Variants in NPPB observed in about 807,000 individuals in gnomAD.
The protein encoded by NPPB is natriuretic peptides B.
In NPPB, 13 loss-of-function variants were observed where a neutral mutation model predicts 12.7. That is an observed-to-expected ratio of 1.03 (90% CI 0.67 to 1.63). The LOEUF is 1.63. Among genes scored for constraint, NPPB ranks in the 40% most tolerant of loss-of-function variants. The pLI, the probability that NPPB is intolerant of heterozygous loss-of-function variation, is 0.00. For synonymous variants in NPPB, 66 were observed against 74.7 expected, an observed-to-expected ratio of 0.88 and a Z score of 0.60; for missense variants, 184 against 172.9, an observed-to-expected ratio of 1.06 and a Z score of -0.36.
intron 1 of NPPB, 40 bp downstream of exon 1, chr1:11,858,662 T>G: frequency 6.2e-7 from 1 of 1,613,914 alleles, no homozygotes; most frequent in African/African-American, 1.3e-5. Flanking sequence ...ACCCTTTCAT[T>G]GCTGCTGTCC....
intron 2 of NPPB, 121 bp downstream of exon 2, chr1:11,858,093 G>A (rs1241205081): frequency 1.5e-5 from 14 of 950,418 alleles, no homozygotes; most frequent in Non-Finnish European, 1.9e-5. Context: ...AAGAGGAAGC[G>A]ATGTCCAGGT....
In NPPB at chr1:11,858,322, C is replaced by A. The variant is rs35640285; in HGVS notation, c.280G>T (p.Val94Phe). 2.9e-3 allele frequency: 4,664 copies of A among 1,613,860 alleles called. 15 individuals carry two copies. Among genetic ancestry groups the A allele is most frequent in the Middle Eastern group, 3.1e-3 (19 of 6,060 alleles). ...TEGIRGHRKMVLYTLRAPRSP... is the reference protein window; with the variant it reads ...TEGIRGHRKMFLYTLRAPRSP... ...CGTGGTGCCCGCAGGGTGTAGAGGA[C>A]CATTTTGCGGTGCCCACGGATGCCC... Residue 94 changes from valine (V) to phenylalanine (F), a missense_variant, in exon 2 of 3, where the codon GTC becomes TTC. By Grantham distance (50) the Val-to-Phe change is conservative (BLOSUM62 -1). Transcript: ENST00000376468.
In NPPB at chr1:11,857,524, C is replaced by A; in HGVS notation, c.*131G>T. 2 of 825,904 alleles carry A rather than the reference C, an allele frequency of 2.4e-6. No individual in the cohort carries two copies. The highest frequency in any genetic ancestry group is 2.7e-4 in the Middle Eastern group (1 of 3,640). 51.2% of individuals were successfully genotyped at this position (825,904 alleles called of 1,614,324 possible). On this transcript the variant is annotated 3_prime_UTR_variant, in exon 3 of 3. Coordinates refer to ENST00000376468, the MANE Select transcript of NPPB (RefSeq NM_002521.3). ...AATTTTGTGCTCAAAGGTAAGAAAC[C>A]ATCTTATATAAAACAATCAAATAAA...
rs564298750 is a variant in NPPB at position 11,858,753 on chromosome 1, G to T, written c.81C>A (p.His27Gln). ...AGGCTGAACCGGGGCTGCCCAGCGGGTGGGAACGACCTCCCAGGAAAGCCA... is the reference window on the plus strand; with the variant it reads ...AGGCTGAACCGGGGCTGCCCAGCGGTTGGGAACGACCTCCCAGGAAAGCCA... Reference protein sequence around the residue: ...LHLAFLGGRSHPLGSPGSASD... With the variant: ...LHLAFLGGRSQPLGSPGSASD... Residue 27 changes from histidine (H) to glutamine (Q), a missense_variant, in exon 1 of 3, where the codon CAC (histidine) becomes CAA (glutamine). Physicochemically the swap from His to Gln is conservative, Grantham distance 24 (BLOSUM62 0). Coordinates refer to ENST00000376468, the MANE Select transcript of NPPB (RefSeq NM_002521.3). The T allele has an allele frequency of 1.2e-6, 2 of 1,614,220 alleles. No homozygotes were observed. Among genetic ancestry groups the T allele is most frequent in the East Asian group, 4.5e-5 (2 of 44,882 alleles).
intron 2 of NPPB, 80 bp from the exon 3 acceptor site, chr1:11,857,751 C>T (rs1645130269): frequency 2.1e-6 from 3 of 1,421,010 alleles, no homozygotes; most frequent in Non-Finnish European, 3.0e-6. Flanking sequence ...TCGTGTGCCA[C>T]CCACCACCCT....
rs753085161 is a variant in NPPB, at chr1:11,858,265, A to G, written c.337T>C (p.Phe113Leu). 1.2e-6 allele frequency: 2 copies of G among 1,613,746 alleles called. No homozygotes were observed. Among genetic ancestry groups the G allele is most frequent in the Admixed American group, 3.3e-5 (2 of 59,958 alleles). ...SPKMVQGSGC[F>L]GRKMDRISSS... is the part of the protein sequence containing the mutation. ...CTGATCCGGTCCATCTTCCTCCCAA[A>G]GCAGCCAGACCCTTGCACCATCTTG... Residue 113 changes from phenylalanine (F) to leucine (L), a missense_variant, in exon 2 of 3, where the codon TTT (phenylalanine) becomes CTT (leucine). Physicochemically the swap from Phe to Leu is conservative, Grantham distance 22. Transcript: ENST00000376468.
Position 11,858,266 on chromosome 1 carries a change from G to GGC in NPPB, c.335_336insGC (p.Cys112TrpfsTer21). 2.5e-6 allele frequency: 4 copies of GGC among 1,613,850 alleles called. No homozygotes were observed. Among genetic ancestry groups the GGC allele is most frequent in the Non-Finnish European group, 3.4e-6 (4 of 1,179,832 alleles). Reference sequence around the variant, plus strand: ...TGATCCGGTCCATCTTCCTCCCAAAGCAGCCAGACCCTTGCACCATCTTGG... The same window carrying GGC: ...TGATCCGGTCCATCTTCCTCCCAAAGGCCAGCCAGACCCTTGCACCATCTTGG... On this transcript the variant is annotated frameshift_variant, in exon 2 of 3. Transcript: ENST00000376468. LOFTEE classifies it high-confidence loss of function.
chr1:11,858,415 A>T lies in NPPB; in HGVS notation c.187T>A (p.Ser63Thr). ...KLSELQVEQT[S>T]LEPLQESPRP... The stretch of plus-strand genomic sequence containing the variant: ...GGGCTCTCCTGGAGGGGCTCCAGGG[A>T]TGTCTGCTCCACCTGCAGCTCCGAC... The change falls in exon 2 of 3, where the codon TCC becomes ACC. Residue 63 changes from serine to threonine, a missense_variant. Physicochemically the swap from Ser to Thr is moderately conservative, Grantham distance 58 (BLOSUM62 1). Coordinates refer to ENST00000376468, the MANE Select transcript of NPPB (RefSeq NM_002521.3). 6.4e-7 allele frequency: 1 copy of T among 1,565,476 alleles called. No homozygotes were observed. The highest frequency in any genetic ancestry group is 1.9e-5 in the Admixed American group (1 of 52,576).
Position 11,858,690 on chromosome 1 carries a change from C to A in NPPB, c.132+12G>T. The A allele has an allele frequency of 6.2e-7, 1 of 1,614,162 alleles. No individual in the cohort carries two copies. On this transcript the variant is annotated intron_variant, in intron 1 of 2. Coordinates refer to ENST00000376468, the MANE Select transcript of NPPB (RefSeq NM_002521.3). Reference sequence around the variant, plus strand: ...TGCTGTCCAATCCCCCTGAGCTGCCCTCCGCTCTCACCTGTAACCCGGACG... The same window carrying A: ...TGCTGTCCAATCCCCCTGAGCTGCCATCCGCTCTCACCTGTAACCCGGACG...
rs968828890 is a variant in NPPB, at chr1:11,857,494, G to A, written c.*161C>T. The A allele has an allele frequency of 1.2e-4, 80 of 644,874 alleles. No individual in the cohort carries two copies. In the Middle Eastern group the frequency reaches 2.2e-3, roughly 18 times the overall value. 39.9% of individuals were successfully genotyped at this position (644,874 alleles called of 1,614,324 possible). ...CTTATAATGTTGACTTTATTTCACC[G>A]TGGAAATTTTGTGCTCAAAGGTAAG... is the stretch of plus-strand genomic sequence containing the variant. On this transcript the variant is annotated 3_prime_UTR_variant, in exon 3 of 3. Transcript: ENST00000376468.
rs746326008 is a variant in NPPB, at chr1:11,858,859, C to T, written c.-26G>A. ...GTCTCTGGAGGGACTGCGGAGGCTG[C>T]TGCTGCTGCTTCTGCTGCTGCTGCT... On this transcript the variant is annotated 5_prime_UTR_variant, in exon 1 of 3. Transcript: ENST00000376468. 4.4e-6 allele frequency: 7 copies of T among 1,607,468 alleles called. No homozygotes were observed. Among genetic ancestry groups the T allele is most frequent in the Middle Eastern group, 1.7e-4 (1 of 6,008 alleles).
intron 1 of NPPB, 79 bp downstream of exon 1, chr1:11,858,623 A>T (rs960651613): frequency 6.2e-7 from 1 of 1,607,080 alleles, no homozygotes; most frequent in Admixed American, 1.7e-5. Context: ...CAAAGGAAAG[A>T]TGAGGGCCTC....
chr1:11,857,585 G>A lies in NPPB; in HGVS notation c.*70C>T. 6.7e-7 allele frequency: 1 copy of A among 1,484,134 alleles called. No individual in the cohort carries two copies. Among genetic ancestry groups the A allele is most frequent in the Non-Finnish European group, 9.4e-7 (1 of 1,062,718 alleles). 91.9% of individuals were successfully genotyped at this position (1,484,134 alleles called of 1,614,324 possible). On this transcript the variant is annotated 3_prime_UTR_variant, in exon 3 of 3. Coordinates refer to ENST00000376468, the MANE Select transcript of NPPB (RefSeq NM_002521.3). ...CATTAAAAAAATGAGTCACTTCAAA[G>A]GCGGCCACAGGGTTGAGGAAAAAGC...
rs371235571 is a variant in NPPB, at chr1:11,858,125, G to T, written c.388+89C>A. The stretch of plus-strand genomic sequence containing the variant: ...AGGTGACCTTTTCTCAAAGAGTGTG[G>T]TTCCCAGAGACAACAAACCCCAAAG... On this transcript the variant is annotated intron_variant, in intron 2 of 2. Transcript: ENST00000376468. 111 of 1,277,900 alleles carry T rather than the reference G, an allele frequency of 8.7e-5. No individual in the cohort carries two copies. The African/African-American group carries it at 1.6e-3, about 19-fold the overall frequency. 79.2% of individuals were successfully genotyped at this position (1,277,900 alleles called of 1,614,324 possible). A position where few individuals can be genotyped will look rare whatever the true frequency, so the allele number is the denominator to read the frequency against.
rs1013515063 is a variant in NPPB at position 11,858,834 on chromosome 1, G to A, written c.-1C>T. The stretch of plus-strand genomic sequence containing the variant: ...GGGAAGGTGCTGTCTGGGGATCCAT[G>A]TCTCTGGAGGGACTGCGGAGGCTGC... On this transcript the variant is annotated 5_prime_UTR_variant, in exon 1 of 3. Transcript: ENST00000376468. The A allele has an allele frequency of 6.2e-7, 1 of 1,614,004 alleles. No homozygotes were observed. The highest frequency in any genetic ancestry group is 8.5e-7 in the Non-Finnish European group (1 of 1,180,016).
In NPPB at chr1:11,858,411, A is replaced by C; in HGVS notation, c.191T>G (p.Leu64Arg). The C allele has an allele frequency of 1.3e-6, 2 of 1,570,390 alleles. No individual in the cohort carries two copies. The highest frequency in any genetic ancestry group is 1.7e-6 in the Non-Finnish European group (2 of 1,157,158). The change falls in exon 2 of 3, where the codon CTG (leucine) becomes CGG (arginine). Residue 64 changes from leucine to arginine, a missense_variant. Physicochemically the swap from Leu to Arg is moderately radical, Grantham distance 102. Coordinates refer to ENST00000376468, the MANE Select transcript of NPPB (RefSeq NM_002521.3). Reference sequence around the variant, plus strand: ...ACGGGGGCTCTCCTGGAGGGGCTCCAGGGATGTCTGCTCCACCTGCAGCTC... The same window carrying C: ...ACGGGGGCTCTCCTGGAGGGGCTCCCGGGATGTCTGCTCCACCTGCAGCTC... ...LSELQVEQTS[L>R]EPLQESPRPT...
At chr1:11,858,522 G>C (rs997441876) in intron 1 of NPPB, 53 bp from the exon 2 acceptor site, 66 of 1,539,882 alleles carry the variant, frequency 4.3e-5, no homozygotes, top group Non-Finnish European at 5.7e-5. Flanking sequence ...GGGCTCACCA[G>C]CCCTTCATGG....
At chr1:11,857,857 C>G (rs530044850) in intron 2 of NPPB, among the ~76,000 whole-genome samples, 186 bp from the exon 3 acceptor site, 44 of 152,308 alleles carry the variant, frequency 2.9e-4, no homozygotes, top group African/African-American at 9.4e-4. Flanking sequence ...TGATCCTGCT[C>G]TCTGCCTTTG....
Position 11,857,554 on chromosome 1 carries a change from TAAA to T in NPPB, c.*98_*100del. On this transcript the variant is annotated 3_prime_UTR_variant, in exon 3 of 3. Coordinates refer to ENST00000376468, the MANE Select transcript of NPPB (RefSeq NM_002521.3). The stretch of plus-strand genomic sequence containing the variant: ...TATATAAAACAATCAAATAAATACA[TAAA>T]TACATTAAAAAAATGAGTCACTTCA... 3 of 1,093,006 alleles carry T rather than the reference TAAA, an allele frequency of 2.7e-6. No homozygotes were observed. Among genetic ancestry groups the T allele is most frequent in the Non-Finnish European group, 4.1e-6 (3 of 736,624 alleles). 67.7% of individuals were successfully genotyped at this position (1,093,006 alleles called of 1,614,324 possible).
Sources: allele counts gnomAD v4.1 joint callset (sites outside exome capture counted in the v4.1 genomes callset), GRCh38; gene constraint gnomAD v4.1.1; transcripts MANE v1.5; gene names NCBI Gene and HGNC (gene_info 2026-07-23, HGNC 2026-07-21).